RORA: variants seen among roughly 807,000 people sequenced by gnomAD.
The protein encoded by RORA is nuclear receptor ROR-alpha.
Under a neutral mutation model 69.5 loss-of-function variants are expected in RORA, and 7 were observed. The ratio of observed to expected loss-of-function variants is 0.10; its 90% CI spans 0.06 to 0.19. The LOEUF is 0.19. RORA is among the 10% of genes least tolerant of loss of function. The pLI, the probability that RORA is intolerant of heterozygous loss-of-function variation, is 1.00. For synonymous variants in RORA, 261 were observed against 240.8 expected (o/e 1.08, Z -0.78); for missense variants, 457 against 663.0 (o/e 0.69, Z 3.41).
chr15:60,514,587 A>AGCAC, intron 4 of RORA, 29 bp downstream of exon 4: 1 of 1,611,796 alleles, frequency 6.2e-7, no homozygotes, highest in Non-Finnish European at 8.5e-7. Flanking sequence ...ACCCCGTGCA[A>AGCAC]CTGTACAACT....
intron 1 of RORA, among the ~76,000 whole-genome samples, chr15:60,785,395 T>C (rs1323537651): frequency 1.3e-5 from 2 of 152,122 alleles, no homozygotes; most frequent in African/African-American, 4.8e-5. Flanking sequence ...TTTAAATAAA[T>C]GAATAGGTAA....
chr15:60,759,237 C>T (rs1022735910), intron 1 of RORA, among the ~76,000 whole-genome samples: 1 of 152,216 alleles, frequency 6.6e-6, no homozygotes, highest in South Asian at 2.1e-4. Context: ...AGAGAACACA[C>T]TGAAGAGTCC....
At chr15:60,620,374 A>G (rs1354968960) in intron 2 of RORA, among the ~76,000 whole-genome samples, 1 of 152,230 alleles carries the variant, frequency 6.6e-6, no homozygotes, top group Non-Finnish European at 1.5e-5. Context: ...AATTGAAATC[A>G]TAATAGAACC....
chr15:61,151,433 G>T (rs1160857662), intron 1 of RORA, among the ~76,000 whole-genome samples: 1 of 152,158 alleles, frequency 6.6e-6, no homozygotes, highest in Non-Finnish European at 1.5e-5. Context: ...CTTTTGGAAA[G>T]ATATGTCTAG....
intron 1 of RORA, among the ~76,000 whole-genome samples, chr15:60,766,338 TA>T (rs530231838): frequency 7.9e-5 from 12 of 151,108 alleles, no homozygotes; most frequent in Admixed American, 2.0e-4. Context: ...CCAAAATTAG[TA>T]AAAAAAAATA....
chr15:60,832,958 G>A (rs2073064995), intron 1 of RORA, among the ~76,000 whole-genome samples: 1 of 151,972 alleles, frequency 6.6e-6, no homozygotes, highest in Non-Finnish European at 1.5e-5. Context: ...AGGCTGGAGT[G>A]CAGTGGCGTG....
At chr15:60,767,007 G>A (rs978912342) in intron 1 of RORA, among the ~76,000 whole-genome samples, 3 of 152,158 alleles carry the variant, frequency 2.0e-5, no homozygotes, top group African/African-American at 7.2e-5. Context: ...CACAGGTTGT[G>A]TATGGCCCAA....
At chr15:61,155,327 A>C (rs2140877898) in intron 1 of RORA, among the ~76,000 whole-genome samples, 1 of 152,346 alleles carries the variant, frequency 6.6e-6, no homozygotes, top group African/African-American at 2.4e-5. Context: ...ATAAATACTA[A>C]ATAAATAAAT....
At chr15:61,089,318 G>A (rs141858868) in intron 1 of RORA, among the ~76,000 whole-genome samples, 1 of 152,204 alleles carries the variant, frequency 6.6e-6, no homozygotes, top group Non-Finnish European at 1.5e-5. Flanking sequence ...TTATGTGAGA[G>A]GGAATTCCAC....
chr15:60,734,619 C>T (rs577415894), intron 1 of RORA, among the ~76,000 whole-genome samples: 7 of 152,252 alleles, frequency 4.6e-5, no homozygotes, highest in South Asian at 4.1e-4. Flanking sequence ...CTTGGGACCC[C>T]GACCTCTCCA....
chr15:61,154,192 C>T (rs2079422639), intron 1 of RORA, among the ~76,000 whole-genome samples: 1 of 152,172 alleles, frequency 6.6e-6, no homozygotes, highest in Non-Finnish European at 1.5e-5. Context: ...AACAACATTA[C>T]TCTTTGGGGT....
At chr15:60,558,381 T>G in intron 2 of RORA, 1 of 897,450 alleles carries the variant, frequency 1.1e-6, no homozygotes, top group African/African-American at 1.7e-5. Context: ...CCTTGTTTAT[T>G]ACAAAACAGG....
chr15:60,667,673 G>A (rs544629761), intron 2 of RORA, among the ~76,000 whole-genome samples: 1 of 152,304 alleles, frequency 6.6e-6, no homozygotes, highest in South Asian at 2.1e-4. Context: ...AGGCTGGAGT[G>A]CAGTGGTGTG....
At chr15:61,202,847 C>T (rs1445896764) in intron 1 of RORA, among the ~76,000 whole-genome samples, 1 of 152,098 alleles carries the variant, frequency 6.6e-6, no homozygotes, top group Non-Finnish European at 1.5e-5. Context: ...AATATGCAAA[C>T]GTATTTAGGC....
intron 1 of RORA, among the ~76,000 whole-genome samples, chr15:61,097,396 C>A (rs1777942020): frequency 6.6e-6 from 1 of 152,128 alleles, no homozygotes; most frequent in East Asian, 1.9e-4. Context: ...CATTTTCTGG[C>A]CTTGCCTCTT....
intron 1 of RORA, among the ~76,000 whole-genome samples, chr15:61,212,460 C>T (rs1341793094): frequency 3.9e-5 from 6 of 152,264 alleles, no homozygotes; most frequent in South Asian, 4.2e-4. Context: ...AGTGCAATGG[C>T]GCAATCTCAG....
chr15:61,126,770 C>T (rs2079146001), intron 1 of RORA, among the ~76,000 whole-genome samples: 1 of 152,146 alleles, frequency 6.6e-6, no homozygotes, highest in Non-Finnish European at 1.5e-5. Context: ...CACAGGACCT[C>T]CCTATTGGAA....
intron 2 of RORA, chr15:60,598,615 AT>A (rs2068749629): frequency 6.6e-6 from 1 of 152,244 alleles, no homozygotes; most frequent in Non-Finnish European, 1.5e-5. Context: ...AACATACAAA[AT>A]ATATGTTAAT....
At chr15:60,997,047 G>A (rs1363735510) in intron 1 of RORA, among the ~76,000 whole-genome samples, 1 of 151,828 alleles carries the variant, frequency 6.6e-6, no homozygotes, top group Admixed American at 6.6e-5. Flanking sequence ...GTTTGTGTGT[G>A]TGTGTGTGTG....
Sources: allele counts gnomAD v4.1 joint callset (sites outside exome capture counted in the v4.1 genomes callset), GRCh38; gene constraint gnomAD v4.1.1; transcripts MANE v1.5; gene names NCBI Gene and HGNC (gene_info 2026-07-23, HGNC 2026-07-21).